The following NCOA6 variants were observed in gnomAD, a reference collection of about 807,000 sequenced individuals.
NCOA6 encodes NRC RAP250.
NCOA6 carries 49 observed loss-of-function variants against 171.4 expected under a neutral mutation model. That is an observed-to-expected ratio of 0.29 (90% CI 0.23 to 0.36). NCOA6 has a LOEUF of 0.36. Ranked by LOEUF, NCOA6 falls within the 10% of genes least tolerant of loss-of-function variation. The pLI is 1.00. For missense variants in NCOA6, 2,248 were observed against 2,554.5 expected, an observed-to-expected ratio of 0.88 and a Z score of 2.59; for synonymous variants, 910 against 927.5, an observed-to-expected ratio of 0.98 and a Z score of 0.34.
chr20:34,775,407 T>G (rs1410444427), intron 4 of NCOA6, among the ~76,000 whole-genome samples: 2 of 151,728 alleles, frequency 1.3e-5, no homozygotes, highest in Non-Finnish European at 2.9e-5. Flanking sequence ...AAATGAACAC[T>G]GCGGGCCGGC....
chr20:34,714,780 AC>A lies in NCOA6; in HGVS notation c.*541del, dbSNP rs1206816664. On this transcript the variant is annotated 3_prime_UTR_variant, in exon 15 of 15. Coordinates refer to ENST00000359003, the MANE Select transcript of NCOA6 (RefSeq NM_014071.5). ...AGAGCTGATCACCCAAAAATCCCTT[AC>A]CAATAACATAACTTTATGTTCTATG... is the stretch of plus-strand genomic sequence containing the variant. The A allele has an allele frequency of 6.5e-6, 1 of 153,136 alleles. No individual in the cohort carries two copies. Among genetic ancestry groups the A allele is most frequent in the Non-Finnish European group, 1.5e-5 (1 of 68,394 alleles). The allele number at this position is 153,136 out of a possible 1,614,324, so 9.5% of individuals were successfully genotyped here.
At chr20:34,818,540 T>C (rs1444522419) in intron 1 of NCOA6, among the ~76,000 whole-genome samples, 1 of 152,198 alleles carries the variant, frequency 6.6e-6, no homozygotes, top group Non-Finnish European at 1.5e-5. Context: ...AATCCTCTTC[T>C]CCAAGCAAAG....
At chr20:34,789,878 G>A (rs2077814889) in intron 2 of NCOA6, among the ~76,000 whole-genome samples, 2 of 151,766 alleles carry the variant, frequency 1.3e-5, no homozygotes, top group South Asian at 2.1e-4. Context: ...TATTCTTCAC[G>A]GCAATTATTC....
At chr20:34,735,288 T>C (rs1194260559) in intron 12 of NCOA6, among the ~76,000 whole-genome samples, 3 of 152,204 alleles carry the variant, frequency 2.0e-5, no homozygotes, top group African/African-American at 2.4e-5. Flanking sequence ...GCTCCATTCC[T>C]ACCCTTCTCA....
At chr20:34,783,353 A>C (rs1407217541) in intron 2 of NCOA6, among the ~76,000 whole-genome samples, 2 of 152,152 alleles carry the variant, frequency 1.3e-5, no homozygotes, top group Non-Finnish European at 2.9e-5. Context: ...GACAGAATTA[A>C]ATTGCTTCCT....
At chr20:34,748,282 C>G (rs6087624) in intron 9 of NCOA6, among the ~76,000 whole-genome samples, 72,645 of 151,878 alleles carry the variant, frequency 0.48, 17,786 homozygotes, top group Admixed American at 0.61. Context: ...AGATAATTAA[C>G]TTTGAATTCA....
chr20:34,778,683 C>A (rs1280138164), intron 3 of NCOA6, among the ~76,000 whole-genome samples: 1 of 152,072 alleles, frequency 6.6e-6, no homozygotes, highest in African/African-American at 2.4e-5. Context: ...GCCTCGGCCT[C>A]CCAAAGTGCT....
At chr20:34,789,464 C>T (rs1013681846) in intron 2 of NCOA6, among the ~76,000 whole-genome samples, 1 of 152,214 alleles carries the variant, frequency 6.6e-6, no homozygotes, top group Non-Finnish European at 1.5e-5. Context: ...CAAGTTCCTA[C>T]TCCAACTTTG....
intron 1 of NCOA6, among the ~76,000 whole-genome samples, chr20:34,807,578 C>T (rs1294856686): frequency 6.6e-6 from 1 of 152,082 alleles, no homozygotes; most frequent in Non-Finnish European, 1.5e-5. Flanking sequence ...CAGGCTGGAG[C>T]ACAGTGGTGC....
Position 34,741,543 on chromosome 20 carries a change from A to C in NCOA6, c.4713T>G (p.Val1571=). Residue 1571 remains valine, a synonymous_variant, in exon 11 of 15, where the codon GTT becomes GTG. Transcript: ENST00000359003. ...HPELSEVSSN[V]APSIPPVMSR... ...ACATTACTGGAGGGATGCTTGGTGC[A>C]ACGTTAGAACTGACCTCACTCAATT... 1.9e-6 allele frequency: 3 copies of C among 1,614,196 alleles called. No homozygotes were observed. Among genetic ancestry groups the C allele is most frequent in the Non-Finnish European group, 2.5e-6 (3 of 1,180,048 alleles).
intron 2 of NCOA6, among the ~76,000 whole-genome samples, chr20:34,792,070 T>C (rs1217287901): frequency 2.6e-5 from 4 of 152,174 alleles, no homozygotes; most frequent in African/African-American, 9.7e-5. Flanking sequence ...AAATACAGCA[T>C]CAAACTAGAG....
chr20:34,759,000 T>G (rs1187482241), intron 5 of NCOA6, 67 bp from the exon 6 acceptor site: 1 of 1,504,974 alleles, frequency 6.6e-7, no homozygotes, highest in African/African-American at 1.4e-5. Flanking sequence ...ATGAGTTATT[T>G]CAAGAATATG....
At chr20:34,774,680 G>GT (rs2077253623) in intron 4 of NCOA6, among the ~76,000 whole-genome samples, 1 of 152,326 alleles carries the variant, frequency 6.6e-6, no homozygotes, top group Non-Finnish European at 1.5e-5. Flanking sequence ...TCACCTGGCT[G>GT]TATCAACACA....
At chr20:34,732,708 G>T in intron 12 of NCOA6, 113 bp from the exon 13 acceptor site, 1 of 838,880 alleles carries the variant, frequency 1.2e-6, no homozygotes. Flanking sequence ...CCTGTGCCCA[G>T]CAGGATTCTC....
chr20:34,750,162 G>T lies in NCOA6; in HGVS notation c.2033C>A (p.Thr678Asn), dbSNP rs1228432019. 2 of 1,613,102 alleles carry T rather than the reference G, an allele frequency of 1.2e-6. No homozygotes were observed. The highest frequency in any genetic ancestry group is 1.7e-6 in the Non-Finnish European group (2 of 1,179,474). Reference protein sequence around the residue: ...QNLGPSPQRMTPPKQMLSQQG... With the variant: ...QNLGPSPQRMNPPKQMLSQQG... ...CTGGGAAAGCATCTGCTTGGGTGGGGTCATCCTTTGGGGCGAGGGCCCAAG... is the reference window on the plus strand; with the variant it reads ...CTGGGAAAGCATCTGCTTGGGTGGGTTCATCCTTTGGGGCGAGGGCCCAAG... Residue 678 changes from threonine (T) to asparagine (N), a missense_variant, in exon 9 of 15, where the codon ACC (threonine) becomes AAC (asparagine). By Grantham distance (65) the Thr-to-Asn change is moderately conservative. Coordinates refer to ENST00000359003, the MANE Select transcript of NCOA6 (RefSeq NM_014071.5).
intron 5 of NCOA6, among the ~76,000 whole-genome samples, chr20:34,762,079 C>T (rs1378059585): frequency 6.6e-6 from 1 of 152,194 alleles, no homozygotes; most frequent in Non-Finnish European, 1.5e-5. Flanking sequence ...TAAATCTCCC[C>T]TAAGGTTTGC....
At chr20:34,738,976 C>A (rs377310651) in intron 11 of NCOA6, 5 of 455,786 alleles carry the variant, frequency 1.1e-5, no homozygotes, top group African/African-American at 1.0e-4. Context: ...CCTAGGATAT[C>A]GTAAAGGTCT....
rs6142245 is a variant in NCOA6, at chr20:34,817,701, G to C, written c.-164+7771C>G. Among the ~76,000 whole-genome samples, 5 of 152,276 alleles carry C rather than the reference G, an allele frequency of 3.3e-5. No homozygotes were observed. The East Asian group carries it at 9.6e-4, about 29-fold the overall frequency. On this transcript the variant is annotated intron_variant, in intron 1 of 14. Transcript: ENST00000359003. The stretch of plus-strand genomic sequence containing the variant: ...CAGACATCAAAATAGGCAGACACTG[G>C]AGCTGAAGGGAGGGAAGGGGGAAGG...
intron 5 of NCOA6, among the ~76,000 whole-genome samples, chr20:34,765,218 C>T (rs1350302375): frequency 4.6e-5 from 7 of 151,368 alleles, no homozygotes; most frequent in African/African-American, 7.3e-5. Context: ...TTTGGGAGGC[C>T]GAGACAGGTG....
Sources: gnomAD v4.1 joint callset for allele counts (sites outside exome capture counted in the v4.1 genomes callset) on GRCh38, gnomAD v4.1.1 for gene constraint, MANE v1.5 for transcripts, NCBI Gene and HGNC (gene_info 2026-07-23, HGNC 2026-07-21) for gene names.